Variants in ZNF679 observed in about 807,000 individuals in gnomAD.
ZNF679 encodes the protein zinc finger protein 679.
Under a neutral mutation model 13.4 loss-of-function variants are expected in ZNF679, and 10 were observed. The observed-to-expected ratio is 0.75, with a 90% confidence interval of 0.46 to 1.27. The LOEUF (loss-of-function observed/expected upper bound fraction) is 1.27. Ranked by LOEUF, ZNF679 falls within the 50% of genes most tolerant of loss-of-function variation. The pLI is 0.00. For synonymous variants in ZNF679, 179 were observed against 162.5 expected (o/e 1.10, Z -0.77); for missense variants, 525 against 477.8 (o/e 1.10, Z -0.92).
intron 1 of ZNF679, among the ~76,000 whole-genome samples, chr7:64,234,926 C>T (rs530393765): frequency 6.6e-6 from 1 of 152,188 alleles, no homozygotes. Flanking sequence ...AAACCTCTAC[C>T]TCCAGGGTTC....
At chr7:64,237,415 T>C (rs1390760069) in intron 1 of ZNF679, among the ~76,000 whole-genome samples, 1 of 152,146 alleles carries the variant, frequency 6.6e-6, no homozygotes, top group Admixed American at 6.6e-5. Flanking sequence ...CAGAACTGCT[T>C]TCCTTTGAGT....
At chr7:64,233,265 A>G (rs572173560) in intron 1 of ZNF679, among the ~76,000 whole-genome samples, 29 of 151,728 alleles carry the variant, frequency 1.9e-4, no homozygotes, top group East Asian at 5.9e-4. Flanking sequence ...AAAAAAAAAA[A>G]AAAGAAAGAA....
intron 1 of ZNF679, among the ~76,000 whole-genome samples, chr7:64,242,787 G>A (rs1162356668): frequency 1.3e-5 from 2 of 149,370 alleles, no homozygotes; most frequent in Non-Finnish European, 1.5e-5. Context: ...TTTTTAAGTA[G>A]AAAAGCCAGA....
intron 1 of ZNF679, among the ~76,000 whole-genome samples, chr7:64,232,000 A>T (rs927147068): frequency 6.6e-6 from 1 of 152,258 alleles, no homozygotes; most frequent in Non-Finnish European, 1.5e-5. Flanking sequence ...GGATCCATAC[A>T]TAAGAGCTTC....
At chr7:64,229,822 A>C (rs1405087054) in intron 1 of ZNF679, among the ~76,000 whole-genome samples, 1 of 151,990 alleles carries the variant, frequency 6.6e-6, no homozygotes, top group Non-Finnish European at 1.5e-5. Context: ...AGTGTGGATC[A>C]GGTAAAACAG....
At chr7:64,246,049 C>T (rs1332607706) in intron 1 of ZNF679, among the ~76,000 whole-genome samples, 1 of 152,146 alleles carries the variant, frequency 6.6e-6, no homozygotes, top group African/African-American at 2.4e-5. Flanking sequence ...GTTAAAGTTC[C>T]ATAATGCCAA....
intron 2 of ZNF679, among the ~76,000 whole-genome samples, chr7:64,257,779 A>G (rs1788022245): frequency 6.6e-6 from 1 of 152,206 alleles, no homozygotes; most frequent in Non-Finnish European, 1.5e-5. Context: ...ATATTGTGAC[A>G]AATGTAGTGG....
At chr7:64,253,601 T>C (rs913248786) in intron 2 of ZNF679, among the ~76,000 whole-genome samples, 2 of 152,206 alleles carry the variant, frequency 1.3e-5, no homozygotes, top group African/African-American at 4.8e-5. Flanking sequence ...CAAAATCAGA[T>C]TTAGGTAATA....
chr7:64,254,515 G>C (rs1003143920), intron 2 of ZNF679, among the ~76,000 whole-genome samples: 1 of 151,420 alleles, frequency 6.6e-6, no homozygotes, highest in Non-Finnish European at 1.5e-5. Flanking sequence ...CCATTTCACT[G>C]TTTCTTGGTT....
At chr7:64,258,893 G>T (rs1286479696) in intron 2 of ZNF679, among the ~76,000 whole-genome samples, 29 of 129,062 alleles carry the variant, frequency 2.2e-4, no homozygotes, top group African/African-American at 7.4e-4. Flanking sequence ...TTTTTTTGTT[G>T]TTTTTGTTTT....
intron 4 of ZNF679, 102 bp downstream of exon 4, chr7:64,261,031 A>G (rs1788070225): frequency 2.4e-6 from 3 of 1,253,772 alleles, no homozygotes; most frequent in East Asian, 2.6e-5. Context: ...GCTTCCATGG[A>G]AAGAGTTTCT....
At position 64,260,297 on chromosome 7, in the gene ZNF679, A is replaced by AT. The variant is rs780428512; in HGVS notation, c.119dup (p.Leu40PhefsTer3). 2.0e-5 allele frequency: 33 copies of AT among 1,613,098 alleles called. No homozygotes were observed. The highest frequency in any genetic ancestry group is 2.7e-5 in the Non-Finnish European group (32 of 1,179,682). ...CAATGCCTGGATCACGCTCAGCAGAATTTATATAGAGATGTGATGTTAGAG... is the reference window on the plus strand; with the variant it reads ...CAATGCCTGGATCACGCTCAGCAGAATTTTATATAGAGATGTGATGTTAGAG... On this transcript the variant is annotated frameshift_variant, in exon 3 of 5. Coordinates refer to ENST00000421025, the MANE Select transcript of ZNF679 (RefSeq NM_153363.3). LOFTEE classifies it high-confidence loss of function.
chr7:64,260,500 G>T (rs921662921), intron 3 of ZNF679, among the ~76,000 whole-genome samples, 153 bp downstream of exon 3: 1 of 152,110 alleles, frequency 6.6e-6, no homozygotes, highest in African/African-American at 2.4e-5. Context: ...AATTCTTCAA[G>T]ATGTTTTATC....
At chr7:64,247,270 G>A (rs932648807) in intron 1 of ZNF679, among the ~76,000 whole-genome samples, 2 of 152,030 alleles carry the variant, frequency 1.3e-5, no homozygotes, top group South Asian at 2.1e-4. Flanking sequence ...TAGAATGCCC[G>A]ACCTCATGGA....
At chr7:64,232,027 A>G (rs1445778040) in intron 1 of ZNF679, among the ~76,000 whole-genome samples, 1 of 152,254 alleles carries the variant, frequency 6.6e-6, no homozygotes, top group East Asian at 1.9e-4. Context: ...ACCTGCACAC[A>G]GTGTCTTAGT....
chr7:64,237,001 AAAAG>A lies in ZNF679; in HGVS notation c.-91+8369_-91+8372del, dbSNP rs1554369182. On this transcript the variant is annotated intron_variant, in intron 1 of 4. Coordinates refer to ENST00000421025, the MANE Select transcript of ZNF679 (RefSeq NM_153363.3). ...AAAGAAAGAAAGAAAGAAAGAAAGA[AAAAG>A]AAAGAAAGAAAGAAAGAAACCTATG... Among the ~76,000 whole-genome samples, 756 of 77,736 alleles carry A rather than the reference AAAAG, an allele frequency of 9.7e-3. 13 individuals carry two copies. Among genetic ancestry groups the A allele is most frequent in the Middle Eastern group, 0.037 (6 of 160 alleles). The allele number at this position is 77,736 out of a possible 152,430, so 51.0% of individuals were successfully genotyped here. A position where few individuals can be genotyped will look rare whatever the true frequency, so the allele number is the denominator to read the frequency against.
chr7:64,264,712 CT>C (rs1788121507), intron 4 of ZNF679, among the ~76,000 whole-genome samples: 1 of 151,944 alleles, frequency 6.6e-6, no homozygotes, highest in East Asian at 1.9e-4. Flanking sequence ...GACCTGCAAG[CT>C]TTCTGTTGTC....
intron 1 of ZNF679, among the ~76,000 whole-genome samples, chr7:64,239,550 G>C (rs1787767677): frequency 6.6e-6 from 1 of 152,174 alleles, no homozygotes; most frequent in Non-Finnish European, 1.5e-5. Context: ...CAAGCACCTA[G>C]ATGATGTGAC....
intron 2 of ZNF679, among the ~76,000 whole-genome samples, chr7:64,249,825 A>G (rs1054042938): frequency 2.6e-5 from 4 of 152,170 alleles, no homozygotes; most frequent in African/African-American, 9.7e-5. Context: ...TTTTTCTTCA[A>G]TATAGTAATT....
Sources: allele counts gnomAD v4.1 joint callset (sites outside exome capture counted in the v4.1 genomes callset), GRCh38; gene constraint gnomAD v4.1.1; transcripts MANE v1.5; gene names NCBI Gene and HGNC (gene_info 2026-07-23, HGNC 2026-07-21).